The following OPCML variants were observed in gnomAD, a reference collection of about 807,000 sequenced individuals.
OPCML encodes opioid binding protein/cell adhesion molecule like.
Under a neutral mutation model 37.8 loss-of-function variants are expected in OPCML, and 13 were observed. The ratio of observed to expected loss-of-function variants is 0.34; its 90% CI spans 0.22 to 0.55. The LOEUF is 0.55. Among genes scored for constraint, OPCML ranks in the 20% least tolerant of loss-of-function variants. The pLI is 0.91. For synonymous variants in OPCML, 176 were observed against 168.8 expected (o/e 1.04, Z -0.33); for missense variants, 341 against 435.6 (o/e 0.78, Z 1.93).
At chr11:133,396,156 C>CT (rs138332871) in intron 1 of OPCML, among the ~76,000 whole-genome samples, 2,228 of 149,938 alleles carry the variant, frequency 0.015, 62 homozygotes, top group African/African-American at 0.051. Context: ...AATAGGATTA[C>CT]TTTTTTTTTT....
chr11:133,378,775 T>C (rs554491041), intron 1 of OPCML, among the ~76,000 whole-genome samples: 1 of 151,918 alleles, frequency 6.6e-6, no homozygotes, highest in East Asian at 1.9e-4. Context: ...CTCTGTCACC[T>C]AGGCTGGACT....
At chr11:133,025,815 C>T (rs993085223) in intron 1 of OPCML, among the ~76,000 whole-genome samples, 1 of 147,692 alleles carries the variant, frequency 6.8e-6, no homozygotes, top group Admixed American at 7.0e-5. Context: ...CTCACTGCAA[C>T]CTCTGTCTCT....
intron 1 of OPCML, among the ~76,000 whole-genome samples, chr11:132,952,993 G>A (rs61909277): frequency 0.034 from 5,222 of 152,258 alleles, 122 homozygotes; most frequent in Middle Eastern, 0.061. Context: ...CCTAAGGCAT[G>A]TAAGATTTAC....
intron 1 of OPCML, among the ~76,000 whole-genome samples, chr11:133,513,716 A>C (rs1948205634): frequency 6.6e-6 from 1 of 152,218 alleles, no homozygotes; most frequent in African/African-American, 2.4e-5. Flanking sequence ...TGCCTGGTAG[A>C]AAGTGAGTGC....
chr11:132,918,783 A>G (rs1046981870), intron 2 of OPCML, among the ~76,000 whole-genome samples: 1 of 149,724 alleles, frequency 6.7e-6, no homozygotes, highest in African/African-American at 2.5e-5. Context: ...GTGCCAACAT[A>G]AAGCACCAGG....
chr11:132,999,880 T>C lies in OPCML; in HGVS notation c.62-56870A>G, dbSNP rs531100370. 3.3e-5 allele frequency among the ~76,000 whole-genome samples: 5 copies of C among 152,298 alleles called. No individual in the cohort carries two copies. In the East Asian group the frequency reaches 9.7e-4, roughly 29 times the overall value. Reference sequence around the variant, plus strand: ...AAGTTTCTCCCACCTTCTTCCAAAGTAGCCCAACCTCTACCCAAAACGCAT... The same window carrying C: ...AAGTTTCTCCCACCTTCTTCCAAAGCAGCCCAACCTCTACCCAAAACGCAT... On this transcript the variant is annotated intron_variant, in intron 1 of 7. Coordinates refer to ENST00000524381, the MANE Select transcript of OPCML (RefSeq NM_001012393.5).
chr11:133,232,528 G>T (rs1231513173), intron 1 of OPCML, among the ~76,000 whole-genome samples: 2 of 151,868 alleles, frequency 1.3e-5, no homozygotes, highest in Non-Finnish European at 2.9e-5. Context: ...AGAATGTAAG[G>T]TTATAAAAGA....
At position 132,439,685 on chromosome 11, in the gene OPCML, C is replaced by T. The variant is rs1196936192; in HGVS notation, c.506-2326G>A. Reference sequence around the variant, plus strand: ...AATCAAACACATCAAAATGACGTTCCAGACACCTCGCCATTTTTTTTTTTT... The same window carrying T: ...AATCAAACACATCAAAATGACGTTCTAGACACCTCGCCATTTTTTTTTTTT... On this transcript the variant is annotated intron_variant, in intron 4 of 7. Coordinates refer to ENST00000524381, the MANE Select transcript of OPCML (RefSeq NM_001012393.5). 6.8e-5 allele frequency among the ~76,000 whole-genome samples: 9 copies of T among 131,502 alleles called. No individual in the cohort carries two copies. In the East Asian group the frequency reaches 2.1e-3, roughly 31 times the overall value. 86.3% of individuals were successfully genotyped at this position (131,502 alleles called of 152,430 possible).
intron 1 of OPCML, among the ~76,000 whole-genome samples, chr11:133,314,023 C>G (rs1179089163): frequency 6.6e-6 from 1 of 151,726 alleles, no homozygotes; most frequent in African/African-American, 2.4e-5. Context: ...ATCACGAGGT[C>G]AGGAGATCGA....
At chr11:133,474,631 A>T (rs1372884644) in intron 1 of OPCML, among the ~76,000 whole-genome samples, 2 of 152,176 alleles carry the variant, frequency 1.3e-5, no homozygotes, top group African/African-American at 4.8e-5. Flanking sequence ...GGTAGCCATG[A>T]TTCCTGGAGA....
chr11:132,638,703 T>C (rs1282191425), intron 3 of OPCML, among the ~76,000 whole-genome samples: 2 of 152,166 alleles, frequency 1.3e-5, no homozygotes, highest in African/African-American at 4.8e-5. Flanking sequence ...ACAGGCCCTG[T>C]GACCCCACCC....
At chr11:132,942,783 CAGCACGCAAGCGGGCGCCCCTCGGG>C in intron 2 of OPCML, 118 bp downstream of exon 2, 1 of 1,044,402 alleles carries the variant, frequency 9.6e-7, no homozygotes, top group Non-Finnish European at 1.4e-6. Flanking sequence ...GTCGGCACGG[CAGCACGCAAGCGGGCGCCCCTCGGG>C]CCTGCACAAG....
chr11:133,511,634 G>A (rs998965400), intron 1 of OPCML, among the ~76,000 whole-genome samples: 2 of 151,676 alleles, frequency 1.3e-5, no homozygotes, highest in African/African-American at 4.8e-5. Context: ...AGTGAGGTCT[G>A]GCCAGACTGG....
intron 1 of OPCML, among the ~76,000 whole-genome samples, chr11:133,148,724 C>T (rs1186867271): frequency 6.6e-6 from 1 of 152,178 alleles, no homozygotes; most frequent in African/African-American, 2.4e-5. Context: ...CCCAGCTCTA[C>T]AAATGGCAGA....
At chr11:133,393,087 A>G (rs1945208288) in intron 1 of OPCML, among the ~76,000 whole-genome samples, 2 of 151,726 alleles carry the variant, frequency 1.3e-5, no homozygotes, top group Non-Finnish European at 2.9e-5. Flanking sequence ...GGTTTAAAAC[A>G]GCCCCTACAT....
intron 1 of OPCML, among the ~76,000 whole-genome samples, chr11:133,135,854 T>C (rs896558403): frequency 1.3e-5 from 2 of 152,166 alleles, no homozygotes; most frequent in African/African-American, 4.8e-5. Flanking sequence ...GGAAAGGACA[T>C]GAAGGATAAG....
At chr11:132,672,682 T>A (rs1942526150) in intron 2 of OPCML, among the ~76,000 whole-genome samples, 2 of 152,162 alleles carry the variant, frequency 1.3e-5, no homozygotes, top group Admixed American at 1.3e-4. Context: ...GAGCGAGAAT[T>A]GTTTCCAAAC....
At chr11:133,004,377 C>G in intron 1 of OPCML, 1 of 985,476 alleles carries the variant, frequency 1.0e-6, no homozygotes, top group South Asian at 4.7e-5. Context: ...GTTCTGCTCT[C>G]TCTTCAGAGG....
At chr11:132,727,902 T>G (rs1243894241) in intron 2 of OPCML, among the ~76,000 whole-genome samples, 1 of 152,184 alleles carries the variant, frequency 6.6e-6, no homozygotes, top group African/African-American at 2.4e-5. Context: ...GAGCCAGCCC[T>G]TGGTGCACGC....
Sources: gnomAD v4.1 joint callset for allele counts (sites outside exome capture counted in the v4.1 genomes callset) on GRCh38, gnomAD v4.1.1 for gene constraint, MANE v1.5 for transcripts, NCBI Gene and HGNC (gene_info 2026-07-23, HGNC 2026-07-21) for gene names.